Variants in STPG2 observed in about 807,000 individuals in gnomAD.
The protein encoded by STPG2 is sperm tail PG-rich repeat containing 2, also known as sperm-tail PG-rich repeat-containing protein 2.
In STPG2, 56 loss-of-function variants were observed where a neutral mutation model predicts 54.2. The ratio of observed to expected loss-of-function variants is 1.03; its 90% confidence interval spans 0.83 to 1.29. The LOEUF is 1.29. STPG2 is among the 50% of genes most tolerant of loss of function. The pLI is 0.00. For synonymous variants in STPG2, 200 were observed against 181.8 expected (o/e 1.10, Z -0.81); for missense variants, 596 against 544.9 (o/e 1.09, Z -0.93).
chr4:97,775,651 T>C (rs768332802), intron 9 of STPG2, among the ~76,000 whole-genome samples: 64 of 152,174 alleles, frequency 4.2e-4, no homozygotes, highest in Non-Finnish European at 8.1e-4. Flanking sequence ...TTGGCCTCAA[T>C]ATTTTAAAAT....
At chr4:97,922,145 G>A (rs547886262) in intron 8 of STPG2, among the ~76,000 whole-genome samples, 4 of 152,178 alleles carry the variant, frequency 2.6e-5, no homozygotes, top group Non-Finnish European at 4.4e-5. Context: ...CTTAAAAATT[G>A]TTAAGATCTT....
intron 9 of STPG2, among the ~76,000 whole-genome samples, chr4:97,767,825 A>C (rs1235912108): frequency 1.3e-5 from 2 of 152,168 alleles, no homozygotes; most frequent in Non-Finnish European, 2.9e-5. Context: ...AACTTAACAG[A>C]GGTTAAGAGT....
intron 5 of STPG2, among the ~76,000 whole-genome samples, chr4:98,019,062 C>A (rs1560638771): frequency 6.6e-6 from 1 of 151,832 alleles, no homozygotes; most frequent in Non-Finnish European, 1.5e-5. Context: ...GTTGCCATTG[C>A]TTTTGGTGTT....
chr4:98,055,988 C>T (rs1055700082), intron 5 of STPG2, among the ~76,000 whole-genome samples: 1 of 152,160 alleles, frequency 6.6e-6, no homozygotes, highest in South Asian at 2.1e-4. Flanking sequence ...ACTCCCTCCC[C>T]ATACGGCAGC....
intron 8 of STPG2, among the ~76,000 whole-genome samples, chr4:97,844,000 G>T (rs546292761): frequency 1.3e-5 from 2 of 151,736 alleles, no homozygotes; most frequent in East Asian, 3.9e-4. Context: ...CTGTGAATTT[G>T]TATGAAATCG....
rs530495520 is a variant in STPG2, at chr4:97,692,046, C to G, written c.1320+20653G>C. On this transcript the variant is annotated intron_variant, in intron 10 of 10. Transcript: ENST00000295268. ...CAATCTGAACAGCAGCCCTCAAGTC[C>G]CAGATTTTCCCTCTGATATAGTCTA... is the stretch of plus-strand genomic sequence containing the variant. Among the ~76,000 whole-genome samples the G allele has an allele frequency of 3.9e-5, 6 of 152,144 alleles. No individual in the cohort carries two copies. In the South Asian group the frequency reaches 1.2e-3, roughly 32 times the overall value.
chr4:97,460,435 T>A (rs1729634410), intron 4 of STPG2, among the ~76,000 whole-genome samples: 1 of 152,018 alleles, frequency 6.6e-6, no homozygotes, highest in Non-Finnish European at 1.5e-5. Context: ...CTTTTTTTTT[T>A]ATTTTTATTT....
At chr4:98,025,646 A>G in intron 5 of STPG2, 1 of 882,502 alleles carries the variant, frequency 1.1e-6, no homozygotes, top group South Asian at 1.3e-5. Context: ...AAAATATGGT[A>G]TGAAGGATGG....
chr4:98,141,868 C>T (rs970675874), intron 1 of STPG2, among the ~76,000 whole-genome samples: 2 of 148,352 alleles, frequency 1.3e-5, no homozygotes, highest in African/African-American at 5.0e-5. Flanking sequence ...AAGATGATGC[C>T]CTGATTCGGC....
chr4:97,465,316 G>A (rs1560620435), intron 4 of STPG2, among the ~76,000 whole-genome samples: 1 of 151,982 alleles, frequency 6.6e-6, no homozygotes, highest in Non-Finnish European at 1.5e-5. Flanking sequence ...TTTTAGATGG[G>A]TCCAAATGAA....
chr4:97,930,164 T>A (rs1017412412), intron 8 of STPG2, among the ~76,000 whole-genome samples: 2 of 152,190 alleles, frequency 1.3e-5, no homozygotes, highest in African/African-American at 4.8e-5. Context: ...CCTAAAGTGC[T>A]GGGATTACAG....
rs368469670 is a variant in STPG2, at chr4:98,106,049, A to T, written c.516T>A (p.Tyr172Ter). 7 of 1,478,332 alleles carry T rather than the reference A, an allele frequency of 4.7e-6. No individual in the cohort carries two copies. The African/African-American group carries it at 1.0e-4, about 21-fold the overall frequency. 91.6% of individuals were successfully genotyped at this position (1,478,332 alleles called of 1,614,324 possible). The change falls in exon 5 of 11, where the codon TAT (tyrosine) becomes TAA (stop). Residue 172 changes from tyrosine to a stop codon, truncating the protein, a stop_gained. Coordinates refer to ENST00000295268, the MANE Select transcript of STPG2 (RefSeq NM_174952.3). LOFTEE classifies it high-confidence loss of function. Reference sequence around the variant, plus strand: ...CTCTCTTGATGTTAACATTTTCATAATATGATGTCTTTTTCCTTCAGAAAA... The same window carrying T: ...CTCTCTTGATGTTAACATTTTCATATTATGATGTCTTTTTCCTTCAGAAAA... ...QYDIVQKKTS[Y>*]YENVNIKRDQ...
intron 4 of STPG2, among the ~76,000 whole-genome samples, chr4:97,509,599 T>A (rs1730927392): frequency 6.6e-6 from 1 of 152,090 alleles, no homozygotes; most frequent in Non-Finnish European, 1.5e-5. Flanking sequence ...AGCCTTTTTT[T>A]AGGTGTTAAC....
intron 8 of STPG2, among the ~76,000 whole-genome samples, chr4:97,902,331 G>A (rs575467870): frequency 1.1e-4 from 17 of 152,034 alleles, no homozygotes; most frequent in East Asian, 5.8e-4. Flanking sequence ...AAGCTTCTGC[G>A]CTGCAAAGGA....
At chr4:97,458,213 T>C (rs1729575422) in intron 4 of STPG2, among the ~76,000 whole-genome samples, 1 of 152,158 alleles carries the variant, frequency 6.6e-6, no homozygotes, top group Non-Finnish European at 1.5e-5. Flanking sequence ...AATACAAAAG[T>C]ATCTGAAAGT....
chr4:97,781,654 C>T (rs1359461972), intron 9 of STPG2, among the ~76,000 whole-genome samples: 1 of 152,114 alleles, frequency 6.6e-6, no homozygotes, highest in African/African-American at 2.4e-5. Context: ...GACCAATATC[C>T]CTGATGAACA....
At chr4:97,849,967 C>G (rs947137538) in intron 8 of STPG2, among the ~76,000 whole-genome samples, 1 of 151,960 alleles carries the variant, frequency 6.6e-6, no homozygotes, top group African/African-American at 2.4e-5. Flanking sequence ...AAGACACATG[C>G]ACACGTATGT....
At chr4:97,486,079 C>CA (rs1369588478) in intron 4 of STPG2, among the ~76,000 whole-genome samples, 1 of 151,246 alleles carries the variant, frequency 6.6e-6, no homozygotes, top group Non-Finnish European at 1.5e-5. Context: ...AGACCTGAAA[C>CA]AAAAAATTCT....
intron 4 of STPG2, among the ~76,000 whole-genome samples, chr4:97,539,765 A>G (rs2148860304): frequency 6.6e-6 from 1 of 152,254 alleles, no homozygotes; most frequent in African/African-American, 2.4e-5. Flanking sequence ...TCTCAGCACC[A>G]CACCGCACCT....
Sources: gnomAD v4.1 joint callset for allele counts (sites outside exome capture counted in the v4.1 genomes callset) on GRCh38, gnomAD v4.1.1 for gene constraint, MANE v1.5 for transcripts, NCBI Gene and HGNC (gene_info 2026-07-23, HGNC 2026-07-21) for gene names.